MAGI2: variants seen among roughly 807,000 people sequenced by gnomAD.
MAGI2 encodes membrane associated guanylate kinase, WW and PDZ domain containing 2, also known as membrane-associated guanylate kinase, WW and PDZ domain-containing protein 2.
Under a neutral mutation model 133.3 loss-of-function variants are expected in MAGI2, and 35 were observed. That is an observed-to-expected ratio of 0.26 (90% CI 0.20 to 0.35). MAGI2 has a LOEUF of 0.35. Among genes scored for constraint, MAGI2 ranks in the 10% least tolerant of loss-of-function variants. The pLI is 1.00. For missense variants in MAGI2, 1,636 were observed against 1,863.4 expected (o/e 0.88, Z 2.25); for synonymous variants, 729 against 710.6 (o/e 1.03, Z -0.41).
At chr7:78,069,958 T>C (rs888867147) in intron 21 of MAGI2, among the ~76,000 whole-genome samples, 1 of 151,860 alleles carries the variant, frequency 6.6e-6, no homozygotes, top group Non-Finnish European at 1.5e-5. Flanking sequence ...ATGGGTGCTC[T>C]TCTTGATGAA....
At chr7:78,755,286 G>T (rs970596537) in intron 2 of MAGI2, among the ~76,000 whole-genome samples, 6 of 152,162 alleles carry the variant, frequency 3.9e-5, no homozygotes, top group Non-Finnish European at 5.9e-5. Context: ...GGCCTCAGTG[G>T]TAACTATGGC....
chr7:78,786,158 C>G (rs891845153), intron 2 of MAGI2, among the ~76,000 whole-genome samples: 13 of 151,714 alleles, frequency 8.6e-5, no homozygotes, highest in Non-Finnish European at 1.9e-4. Context: ...AACAAAAAAA[C>G]CTTAGTATCA....
intron 1 of MAGI2, among the ~76,000 whole-genome samples, chr7:79,248,366 A>T (rs577472085): frequency 4.6e-5 from 7 of 152,296 alleles, no homozygotes; most frequent in African/African-American, 1.7e-4. Context: ...CCAGATTATA[A>T]AGCAAATATT....
chr7:79,107,709 G>T (rs1442855708), intron 1 of MAGI2, among the ~76,000 whole-genome samples: 1 of 152,082 alleles, frequency 6.6e-6, no homozygotes, highest in African/African-American at 2.4e-5. Flanking sequence ...CTCCTCAAAT[G>T]CATTTCATAT....
chr7:78,981,296 T>C (rs1804762635), intron 2 of MAGI2, among the ~76,000 whole-genome samples: 1 of 151,654 alleles, frequency 6.6e-6, no homozygotes, highest in Non-Finnish European at 1.5e-5. Flanking sequence ...CTCCTCTCCT[T>C]GTCGTAACTT....
At chr7:78,608,543 A>G (rs963916567) in intron 3 of MAGI2, among the ~76,000 whole-genome samples, 1 of 151,938 alleles carries the variant, frequency 6.6e-6, no homozygotes, top group African/African-American at 2.4e-5. Context: ...AGAATAGTCC[A>G]GCTCATAGTA....
intron 1 of MAGI2, among the ~76,000 whole-genome samples, chr7:79,275,952 C>A (rs1395291616): frequency 6.6e-6 from 1 of 152,142 alleles, no homozygotes; most frequent in Non-Finnish European, 1.5e-5. Context: ...TATTACTGCT[C>A]CTTGACAATG....
Position 78,739,005 on chromosome 7 carries a change from T to A in MAGI2, c.419-111766A>T, listed in dbSNP as rs369027097. On this transcript the variant is annotated intron_variant, in intron 2 of 21. Transcript: ENST00000354212. ...GAGAATCTAGGAAACAGAAAACTAA[T>A]TTGGACAATGCATGAAAAGAGATAC... Among the ~76,000 whole-genome samples the A allele has an allele frequency of 3.9e-5, 6 of 152,310 alleles. No homozygotes were observed. In the East Asian group the frequency reaches 5.8e-4, roughly 15 times the overall value.
intron 1 of MAGI2, among the ~76,000 whole-genome samples, chr7:79,388,272 T>C (rs1463593995): frequency 6.6e-6 from 1 of 151,988 alleles, no homozygotes; most frequent in Non-Finnish European, 1.5e-5. Flanking sequence ...AACTTTTCTA[T>C]TGCATTCATT....
At chr7:78,205,132 C>T (rs113981740) in intron 10 of MAGI2, among the ~76,000 whole-genome samples, 21 of 152,212 alleles carry the variant, frequency 1.4e-4, no homozygotes, top group Non-Finnish European at 2.4e-4. Context: ...CAACTAAACA[C>T]GATTTATTTT....
intron 13 of MAGI2, among the ~76,000 whole-genome samples, chr7:78,180,271 C>T (rs1422463159): frequency 6.6e-6 from 1 of 152,192 alleles, no homozygotes; most frequent in Non-Finnish European, 1.5e-5. Context: ...GGAACTTGTT[C>T]TTCCAGTGAC....
At chr7:78,378,148 A>G (rs1030947733) in intron 6 of MAGI2, among the ~76,000 whole-genome samples, 5 of 152,054 alleles carry the variant, frequency 3.3e-5, no homozygotes, top group Non-Finnish European at 7.4e-5. Context: ...CCAAAGAGAA[A>G]ATAGAGTGAA....
chr7:78,221,811 G>GTT lies in MAGI2; in HGVS notation c.2048-20619_2048-20618insAA, dbSNP rs1269327953. On this transcript the variant is annotated intron_variant, in intron 10 of 21. Transcript: ENST00000354212. ...AGTTCAGGACCAGCCTAGGCAACTA[G>GTT]GCAACACAAGGAGACCTTGTCTCTA... 5.3e-5 allele frequency among the ~76,000 whole-genome samples: 8 copies of GTT among 151,476 alleles called. No homozygotes were observed. In the South Asian group the frequency reaches 1.7e-3, roughly 32 times the overall value.
At chr7:78,458,666 A>C (rs1789614912) in intron 6 of MAGI2, among the ~76,000 whole-genome samples, 2 of 145,704 alleles carry the variant, frequency 1.4e-5, no homozygotes, top group Non-Finnish European at 1.5e-5. Context: ...ACAGAGTCTC[A>C]CTCTGTTACC....
intron 1 of MAGI2, among the ~76,000 whole-genome samples, chr7:79,314,073 A>C (rs1838512865): frequency 6.6e-6 from 1 of 152,158 alleles, no homozygotes; most frequent in African/African-American, 2.4e-5. Flanking sequence ...TCCTAGGTTC[A>C]AGTGATTCTC....
At chr7:79,377,786 T>TAACGGACAC (rs1843478122) in intron 1 of MAGI2, among the ~76,000 whole-genome samples, 1 of 151,750 alleles carries the variant, frequency 6.6e-6, no homozygotes, top group African/African-American at 2.4e-5. Context: ...AAGTAGGAGA[T>TAACGGACAC]AACGGACACA....
chr7:78,463,688 T>G (rs894437013), intron 6 of MAGI2, among the ~76,000 whole-genome samples: 2 of 152,134 alleles, frequency 1.3e-5, no homozygotes, highest in African/African-American at 4.8e-5. Flanking sequence ...GAGAAAGTGA[T>G]GAGCTAGAGA....
At chr7:78,483,583 G>C (rs975734472) in intron 6 of MAGI2, among the ~76,000 whole-genome samples, 1 of 151,516 alleles carries the variant, frequency 6.6e-6, no homozygotes, top group Non-Finnish European at 1.5e-5. Context: ...ACTGGTGCAC[G>C]ACAGTGGAAT....
In MAGI2 at chr7:78,179,856, C is replaced by T. The variant is rs139657006; in HGVS notation, c.2312-1754G>A. ...ATGAGACACAACCGGCTTTTGAACT[C>T]AGTTTCTTCTGAAGTCTGTATATCA... On this transcript the variant is annotated intron_variant, in intron 13 of 21. Transcript: ENST00000354212. Among the ~76,000 whole-genome samples the T allele has an allele frequency of 4.1e-3, 624 of 152,236 alleles. 11 individuals carry two copies. Among genetic ancestry groups the T allele is most frequent in the African/African-American group, 7.3e-3 (303 of 41,550 alleles).
Sources: gnomAD v4.1 joint callset for allele counts (sites outside exome capture counted in the v4.1 genomes callset) on GRCh38, gnomAD v4.1.1 for gene constraint, MANE v1.5 for transcripts, NCBI Gene and HGNC (gene_info 2026-07-23, HGNC 2026-07-21) for gene names.